Variants in ST6GALNAC3 observed in about 807,000 individuals in gnomAD.
ST6GALNAC3 encodes the protein ST6 N-acetylgalactosaminide alpha-2,6-sialyltransferase 3.
Under a neutral mutation model 32.7 loss-of-function variants are expected in ST6GALNAC3, and 25 were observed. That is an observed-to-expected ratio of 0.76 (90% CI 0.56 to 1.07). The LOEUF (loss-of-function observed/expected upper bound fraction) is 1.07. ST6GALNAC3 is among the 50% of genes least tolerant of loss of function. ST6GALNAC3 has a pLI of 0.00. For synonymous variants in ST6GALNAC3, 129 were observed against 133.1 expected, an observed-to-expected ratio of 0.97 and a Z score of 0.21; for missense variants, 355 against 382.4, an observed-to-expected ratio of 0.93 and a Z score of 0.60.
chr1:76,550,970 G>A (rs934471028), intron 3 of ST6GALNAC3, among the ~76,000 whole-genome samples: 3 of 152,110 alleles, frequency 2.0e-5, no homozygotes, highest in Non-Finnish European at 4.4e-5. Flanking sequence ...ACGTTTGCCA[G>A]TCTGGTCTTG....
chr1:76,221,518 T>C (rs1427580522), intron 1 of ST6GALNAC3, among the ~76,000 whole-genome samples: 1 of 152,192 alleles, frequency 6.6e-6, no homozygotes, highest in Non-Finnish European at 1.5e-5. Context: ...AGCCTCTTTC[T>C]GGGCTTCATA....
At position 76,273,653 on chromosome 1, in the gene ST6GALNAC3, C is replaced by G. The variant is rs562475665; in HGVS notation, c.19-40152C>G. On this transcript the variant is annotated intron_variant, in intron 1 of 4. Transcript: ENST00000328299. Reference sequence around the variant, plus strand: ...AATACGTAAAGTCAGCAAGTTAAGACAGCAGACCTGTTTACATATGCCTGG... The same window carrying G: ...AATACGTAAAGTCAGCAAGTTAAGAGAGCAGACCTGTTTACATATGCCTGG... 6.6e-5 allele frequency among the ~76,000 whole-genome samples: 10 copies of G among 152,210 alleles called. No individual in the cohort carries two copies. In the South Asian group the frequency reaches 2.1e-3, roughly 32 times the overall value.
chr1:76,397,737 A>G (rs901078089), intron 2 of ST6GALNAC3, among the ~76,000 whole-genome samples: 4 of 151,286 alleles, frequency 2.6e-5, no homozygotes, highest in Non-Finnish European at 5.9e-5. Flanking sequence ...ATGTATTTGC[A>G]TTTTCGTTGC....
chr1:76,602,175 A>G (rs1350999580), intron 3 of ST6GALNAC3, among the ~76,000 whole-genome samples: 2 of 152,192 alleles, frequency 1.3e-5, no homozygotes, highest in African/African-American at 2.4e-5. Flanking sequence ...TAAGGATTGC[A>G]TGTACACATA....
At chr1:76,497,570 A>G (rs1660931075) in intron 3 of ST6GALNAC3, among the ~76,000 whole-genome samples, 2 of 152,212 alleles carry the variant, frequency 1.3e-5, no homozygotes, top group Admixed American at 6.5e-5. Context: ...AGGGGGACAT[A>G]GAAAGAAAAC....
At chr1:76,204,007 C>A (rs1056904926) in intron 1 of ST6GALNAC3, among the ~76,000 whole-genome samples, 31 of 152,268 alleles carry the variant, frequency 2.0e-4, no homozygotes, top group African/African-American at 7.0e-4. Flanking sequence ...GTTTAATCAA[C>A]TTTTATCAAC....
At chr1:76,514,216 G>A (rs1662038027) in intron 3 of ST6GALNAC3, among the ~76,000 whole-genome samples, 1 of 152,108 alleles carries the variant, frequency 6.6e-6, no homozygotes, top group African/African-American at 2.4e-5. Context: ...GTCATATGTG[G>A]CCTTTCCTGT....
chr1:76,077,060 G>A (rs892628401), intron 1 of ST6GALNAC3, among the ~76,000 whole-genome samples: 3 of 152,044 alleles, frequency 2.0e-5, no homozygotes, highest in African/African-American at 7.2e-5. Context: ...TTTTTTCTTT[G>A]TTGTCTTTGA....
intron 1 of ST6GALNAC3, among the ~76,000 whole-genome samples, chr1:76,181,715 T>C (rs1022846873): frequency 2.6e-5 from 4 of 152,178 alleles, no homozygotes; most frequent in Non-Finnish European, 5.9e-5. Flanking sequence ...ATTAACCAGG[T>C]TTGGTGTCAG....
At chr1:76,135,053 A>G (rs1327695316) in intron 1 of ST6GALNAC3, among the ~76,000 whole-genome samples, 4 of 152,102 alleles carry the variant, frequency 2.6e-5, no homozygotes, top group Non-Finnish European at 5.9e-5. Flanking sequence ...GAGGCAGGAG[A>G]ATCACTTGAA....
intron 1 of ST6GALNAC3, among the ~76,000 whole-genome samples, chr1:76,180,035 A>G (rs1470268785): frequency 6.6e-6 from 1 of 152,128 alleles, no homozygotes; most frequent in Non-Finnish European, 1.5e-5. Context: ...ACATTCCACT[A>G]ATTTATTTTA....
At chr1:76,216,257 C>A (rs1398973976) in intron 1 of ST6GALNAC3, among the ~76,000 whole-genome samples, 1 of 152,154 alleles carries the variant, frequency 6.6e-6, no homozygotes, top group Admixed American at 6.5e-5. Context: ...ATCCCCATCT[C>A]TCTTACACAC....
intron 2 of ST6GALNAC3, among the ~76,000 whole-genome samples, chr1:76,354,619 T>C (rs1649290682): frequency 6.6e-6 from 1 of 152,198 alleles, no homozygotes; most frequent in Non-Finnish European, 1.5e-5. Context: ...ATCCATCAGG[T>C]TTTATGTATG....
intron 3 of ST6GALNAC3, among the ~76,000 whole-genome samples, chr1:76,541,128 T>G (rs1279062871): frequency 6.6e-6 from 1 of 152,136 alleles, no homozygotes; most frequent in Admixed American, 6.6e-5. Flanking sequence ...AGTAAAGAGA[T>G]CAGCATTCCT....
At chr1:76,250,361 G>C (rs1012163665) in intron 1 of ST6GALNAC3, among the ~76,000 whole-genome samples, 1 of 152,144 alleles carries the variant, frequency 6.6e-6, no homozygotes, top group African/African-American at 2.4e-5. Flanking sequence ...ACAGCTGCTA[G>C]GCATTTGGAC....
intron 1 of ST6GALNAC3, among the ~76,000 whole-genome samples, chr1:76,296,904 G>T (rs138110859): frequency 6.6e-6 from 1 of 152,056 alleles, no homozygotes; most frequent in Non-Finnish European, 1.5e-5. Flanking sequence ...CCCCATAAAT[G>T]TGTGTTGATT....
At chr1:76,541,201 G>T (rs1025032193) in intron 3 of ST6GALNAC3, among the ~76,000 whole-genome samples, 1 of 152,274 alleles carries the variant, frequency 6.6e-6, no homozygotes, top group Admixed American at 6.6e-5. Flanking sequence ...ATTACAGAAG[G>T]TCTGTCTATT....
intron 1 of ST6GALNAC3, among the ~76,000 whole-genome samples, chr1:76,211,746 G>T (rs1431531009): frequency 6.6e-6 from 1 of 152,056 alleles, no homozygotes; most frequent in African/African-American, 2.4e-5. Context: ...GAGAACACAT[G>T]GACACAGGAA....
chr1:76,381,808 G>T (rs995416908), intron 2 of ST6GALNAC3, among the ~76,000 whole-genome samples: 5 of 152,156 alleles, frequency 3.3e-5, no homozygotes, highest in African/African-American at 1.2e-4. Flanking sequence ...GAGGGACCAA[G>T]ATTCTGGAGA....
Sources: gnomAD v4.1 joint callset for allele counts (sites outside exome capture counted in the v4.1 genomes callset) on GRCh38, gnomAD v4.1.1 for gene constraint, MANE v1.5 for transcripts, NCBI Gene and HGNC (gene_info 2026-07-23, HGNC 2026-07-21) for gene names.